PCDHA10: variants seen among roughly 807,000 people sequenced by gnomAD.
PCDHA10 encodes protocadherin alpha-10.
In PCDHA10, 45 loss-of-function variants were observed where a neutral mutation model predicts 61.2. That is an observed-to-expected ratio of 0.74 (90% CI 0.58 to 0.94). PCDHA10 has a LOEUF of 0.94. Among genes scored for constraint, PCDHA10 ranks in the 40% least tolerant of loss-of-function variants. The probability of loss-of-function intolerance (pLI) is 0.00; values close to 1 mark genes in which losing one functional copy is unlikely to be tolerated. For synonymous variants in PCDHA10, 602 were observed against 548.8 expected, an observed-to-expected ratio of 1.10 and a Z score of -1.35; for missense variants, 1,278 against 1,236.2, an observed-to-expected ratio of 1.03 and a Z score of -0.51.
intron 1 of PCDHA10, chr5:140,870,228 C>T: frequency 6.2e-7 from 1 of 1,614,186 alleles, no homozygotes; most frequent in South Asian, 1.1e-5. Context: ...GCGTGTCTGA[C>T]CGTGACTCAG....
intron 3 of PCDHA10, among the ~76,000 whole-genome samples, chr5:140,984,986 G>A (rs553872050): frequency 6.6e-6 from 1 of 152,080 alleles, no homozygotes; most frequent in African/African-American, 2.4e-5. Context: ...CCCCCAGGCT[G>A]GAGTCCAGTG....
intron 1 of PCDHA10, chr5:140,876,573 C>G: frequency 1.9e-6 from 3 of 1,614,152 alleles, no homozygotes; most frequent in African/African-American, 1.3e-5. Flanking sequence ...AGGTGGGTAC[C>G]GTCATTGCCC....
chr5:140,927,418 C>T (rs1296760547), intron 1 of PCDHA10: 3 of 1,614,106 alleles, frequency 1.9e-6, no homozygotes, highest in Admixed American at 1.7e-5. Flanking sequence ...CATGGGATCG[C>T]GGGTTGACGG....
In PCDHA10 at chr5:141,006,011, G is replaced by A. The variant is rs146101776; in HGVS notation, c.2537-3616G>A. Among the ~76,000 whole-genome samples the A allele has an allele frequency of 2.7e-3, 408 of 151,544 alleles. 2 individuals carry two copies. Among genetic ancestry groups the A allele is most frequent in the African/African-American group, 8.8e-3 (365 of 41,422 alleles). Reference sequence around the variant, plus strand: ...GAGGATCTGAAAGAAGGCCTGTATGGTTGGAGTATAATAGTAAGAGGGAGA... The same window carrying A: ...GAGGATCTGAAAGAAGGCCTGTATGATTGGAGTATAATAGTAAGAGGGAGA... On this transcript the variant is annotated intron_variant, in intron 3 of 3. Coordinates refer to ENST00000307360, the MANE Select transcript of PCDHA10 (RefSeq NM_018901.4).
chr5:140,963,770 C>T (rs1296794666), intron 1 of PCDHA10, among the ~76,000 whole-genome samples: 2 of 152,176 alleles, frequency 1.3e-5, no homozygotes, highest in Non-Finnish European at 2.9e-5. Context: ...TATTTCATGA[C>T]GACAGCAACA....
In PCDHA10 at chr5:140,862,815, G is replaced by C. The variant is rs781964079; in HGVS notation, c.2388+4379G>C. 7 of 574,804 alleles carry C rather than the reference G, an allele frequency of 1.2e-5. No individual in the cohort carries two copies. The African/African-American group carries it at 1.3e-4, about 11-fold the overall frequency. The allele number at this position is 574,804 out of a possible 1,614,324, so 35.6% of individuals were successfully genotyped here. A position where few individuals can be genotyped will look rare whatever the true frequency, so the allele number is the denominator to read the frequency against. ...AGGAGCTGGAGCTGCTGCAGTTCTA[G>C]GTGAGAGCGCGCGACGCGGGCATGC... is the stretch of plus-strand genomic sequence containing the variant. On this transcript the variant is annotated intron_variant, in intron 1 of 3. Coordinates refer to ENST00000307360, the MANE Select transcript of PCDHA10 (RefSeq NM_018901.4).
intron 1 of PCDHA10, chr5:140,863,799 G>T: frequency 4.7e-6 from 1 of 212,460 alleles, no homozygotes; most frequent in Non-Finnish European, 9.6e-6. Context: ...AGGAGTTTGA[G>T]ACCAGCCTGG....
intron 1 of PCDHA10, chr5:140,969,368 G>A: frequency 6.2e-7 from 1 of 1,608,874 alleles, no homozygotes; most frequent in Non-Finnish European, 8.5e-7. Flanking sequence ...ACAAACTCAT[G>A]CATTTGTTAC....
In PCDHA10 at chr5:140,937,196, C is replaced by G. The variant is rs915023517; in HGVS notation, c.2389-41753C>G. On this transcript the variant is annotated intron_variant, in intron 1 of 3. Transcript: ENST00000307360. ...GGGACTACAGGCGCCCGCCACCATG[C>G]CCGGCTAATTTTTTGTATTTTTTGT... Among the ~76,000 whole-genome samples, 5 of 152,108 alleles carry G rather than the reference C, an allele frequency of 3.3e-5. No homozygotes were observed. In the East Asian group the frequency reaches 7.8e-4, roughly 24 times the overall value.
intron 1 of PCDHA10, among the ~76,000 whole-genome samples, chr5:140,907,353 A>C (rs1312030991): frequency 3.3e-5 from 5 of 152,234 alleles, no homozygotes; most frequent in Non-Finnish European, 7.3e-5. Flanking sequence ...CCGCTGCTGC[A>C]CTTCTTTAGT....
At chr5:140,866,828 T>C (rs1260647763) in intron 1 of PCDHA10, 1 of 152,140 alleles carries the variant, frequency 6.6e-6, no homozygotes, top group East Asian at 1.9e-4. Flanking sequence ...CTTCAATTGA[T>C]TTTACAAAAT....
At chr5:140,956,885 T>C (rs1156888418) in intron 1 of PCDHA10, among the ~76,000 whole-genome samples, 1 of 152,194 alleles carries the variant, frequency 6.6e-6, no homozygotes, top group Non-Finnish European at 1.5e-5. Context: ...TAGATATCAA[T>C]GAATGAATAT....
rs571215806 is a variant in PCDHA10, at chr5:140,940,454, G to T, written c.2389-38495G>T. Among the ~76,000 whole-genome samples, 18 of 151,694 alleles carry T rather than the reference G, an allele frequency of 1.2e-4. No homozygotes were observed. The East Asian group carries it at 3.3e-3, about 28-fold the overall frequency. On this transcript the variant is annotated intron_variant, in intron 1 of 3. Coordinates refer to ENST00000307360, the MANE Select transcript of PCDHA10 (RefSeq NM_018901.4). ...AAGTCTGCCATGATATTTTTTATAGGTTTCTGTTCCCTGCAATTTTTTTTT... is the reference window on the plus strand; with the variant it reads ...AAGTCTGCCATGATATTTTTTATAGTTTTCTGTTCCCTGCAATTTTTTTTT...
At chr5:140,940,593 A>G (rs2092648765) in intron 1 of PCDHA10, among the ~76,000 whole-genome samples, 1 of 152,170 alleles carries the variant, frequency 6.6e-6, no homozygotes, top group Non-Finnish European at 1.5e-5. Flanking sequence ...GATTTCAGGC[A>G]TGAGCCGCTG....
At chr5:140,972,797 G>A (rs1563419152) in intron 1 of PCDHA10, among the ~76,000 whole-genome samples, 3 of 151,664 alleles carry the variant, frequency 2.0e-5, no homozygotes, top group Admixed American at 2.0e-4. Flanking sequence ...CTGAGTAGCT[G>A]AGATTACAGG....
chr5:140,860,512 T>A (rs1379513509), intron 1 of PCDHA10: 3 of 152,166 alleles, frequency 2.0e-5, no homozygotes, highest in African/African-American at 7.2e-5. Context: ...AAGATAAAAC[T>A]CTTCATGGAA....
intron 1 of PCDHA10, chr5:140,926,986 C>A (rs782199565): frequency 8.1e-6 from 13 of 1,610,594 alleles, no homozygotes; most frequent in Non-Finnish European, 2.5e-6. Flanking sequence ...GGAGACGGAG[C>A]GGGGCGTAGC....
At chr5:140,882,755 G>A in intron 1 of PCDHA10, 2 of 1,614,230 alleles carry the variant, frequency 1.2e-6, no homozygotes, top group Non-Finnish European at 1.7e-6. Context: ...TGCAGATATT[G>A]GAGTAAACTC....
intron 1 of PCDHA10, chr5:140,967,193 G>A (rs1190093681): frequency 6.2e-7 from 1 of 1,613,392 alleles, no homozygotes; most frequent in Non-Finnish European, 8.5e-7. Flanking sequence ...GGACATCAAC[G>A]ACAACTCACC....
Sources: gnomAD v4.1 joint callset for allele counts (sites outside exome capture counted in the v4.1 genomes callset) on GRCh38, gnomAD v4.1.1 for gene constraint, MANE v1.5 for transcripts, NCBI Gene and HGNC (gene_info 2026-07-23, HGNC 2026-07-21) for gene names.